ANTXR2: variants seen among roughly 807,000 people sequenced by gnomAD.
ANTXR2 encodes ANTXR cell adhesion molecule 2.
A neutral mutation model predicts 73.7 loss-of-function variants in ANTXR2; 44 were observed. That is an observed-to-expected ratio of 0.60 (90% CI 0.47 to 0.77). The LOEUF (loss-of-function observed/expected upper bound fraction) is 0.77. Among genes scored for constraint, ANTXR2 ranks in the 30% least tolerant of loss-of-function variants. ANTXR2 has a pLI of 0.00. For synonymous variants in ANTXR2, 217 were observed against 205.9 expected (o/e 1.05, Z -0.46); for missense variants, 604 against 592.5 (o/e 1.02, Z -0.20).
At chr4:80,001,148 A>G (rs1731011816) in intron 12 of ANTXR2, among the ~76,000 whole-genome samples, 2 of 146,390 alleles carry the variant, frequency 1.4e-5, no homozygotes. Flanking sequence ...ATTGGTTTCA[A>G]TAGCCTTGGT....
At chr4:80,038,638 A>C (rs1733093547) in intron 7 of ANTXR2, among the ~76,000 whole-genome samples, 1 of 152,228 alleles carries the variant, frequency 6.6e-6, no homozygotes, top group South Asian at 2.1e-4. Flanking sequence ...ATTTGCTAAT[A>C]ACAATACATT....
intron 14 of ANTXR2, among the ~76,000 whole-genome samples, chr4:79,979,877 A>G (rs1729811245): frequency 6.6e-6 from 1 of 152,332 alleles, no homozygotes; most frequent in Middle Eastern, 3.4e-3. Flanking sequence ...CAATTAAGTA[A>G]AGACACAAAT....
intron 15 of ANTXR2, 23 bp downstream of exon 15, chr4:79,977,983 AT>A (rs756293040): frequency 8.6e-5 from 133 of 1,554,478 alleles, no homozygotes; most frequent in Non-Finnish European, 1.1e-4. Flanking sequence ...TTTGAGTTAA[AT>A]TACACAAAAT....
intron 16 of ANTXR2, among the ~76,000 whole-genome samples, chr4:79,953,283 C>T (rs1246891353): frequency 6.7e-6 from 1 of 149,006 alleles, no homozygotes; most frequent in African/African-American, 2.6e-5. Context: ...TGATTTTGGG[C>T]ACACTATTTT....
chr4:80,068,736 C>G (rs1734636846), intron 3 of ANTXR2, among the ~76,000 whole-genome samples: 1 of 152,124 alleles, frequency 6.6e-6, no homozygotes, highest in African/African-American at 2.4e-5. Flanking sequence ...AGCACCACTG[C>G]ACTCCAGCCT....
At chr4:80,019,302 G>A (rs558329905) in intron 10 of ANTXR2, among the ~76,000 whole-genome samples, 1 of 152,154 alleles carries the variant, frequency 6.6e-6, no homozygotes, top group Non-Finnish European at 1.5e-5. Context: ...GGGAGGCGGA[G>A]GTTGCAGTGA....
chr4:79,913,641 T>C (rs536889803), intron 16 of ANTXR2, among the ~76,000 whole-genome samples: 1 of 152,312 alleles, frequency 6.6e-6, no homozygotes, highest in African/African-American at 2.4e-5. Context: ...TGTAATAATG[T>C]TAGAATCCTT....
At chr4:80,007,936 C>T (rs1731385438) in intron 12 of ANTXR2, among the ~76,000 whole-genome samples, 1 of 152,134 alleles carries the variant, frequency 6.6e-6, no homozygotes, top group Admixed American at 6.5e-5. Flanking sequence ...TTTGTTACAG[C>T]AGCAATAGAT....
At chr4:80,012,895 C>A (rs1731662768) in intron 11 of ANTXR2, among the ~76,000 whole-genome samples, 1 of 152,150 alleles carries the variant, frequency 6.6e-6, no homozygotes, top group African/African-American at 2.4e-5. Flanking sequence ...TCTTCCTGTT[C>A]CTCAGTTTTC....
intron 16 of ANTXR2, among the ~76,000 whole-genome samples, chr4:79,933,568 T>C (rs968089196): frequency 3.2e-4 from 49 of 152,200 alleles, no homozygotes; most frequent in Non-Finnish European, 5.1e-4. Flanking sequence ...TTTTAAATTA[T>C]ACTTTAAGTT....
chr4:80,052,915 A>G (rs891562016), intron 7 of ANTXR2, among the ~76,000 whole-genome samples: 4 of 151,588 alleles, frequency 2.6e-5, no homozygotes, highest in Non-Finnish European at 5.9e-5. Flanking sequence ...GTTATTACCC[A>G]TAAAAATAGA....
chr4:79,994,069 C>T (rs1730611328), intron 12 of ANTXR2, among the ~76,000 whole-genome samples: 2 of 151,814 alleles, frequency 1.3e-5, no homozygotes, highest in African/African-American at 2.4e-5. Flanking sequence ...TCTTTTCTCA[C>T]CACCTCATTC....
At chr4:80,012,576 C>T (rs1296833204) in intron 11 of ANTXR2, among the ~76,000 whole-genome samples, 1 of 152,116 alleles carries the variant, frequency 6.6e-6, no homozygotes, top group African/African-American at 2.4e-5. Flanking sequence ...AATTTGCCAA[C>T]CCTTGTCCTA....
At chr4:80,022,745 A>G (rs1267269663) in intron 10 of ANTXR2, among the ~76,000 whole-genome samples, 2 of 152,198 alleles carry the variant, frequency 1.3e-5, no homozygotes, top group East Asian at 3.8e-4. Flanking sequence ...AGTTGCAAAC[A>G]TATATGGGAA....
At chr4:80,045,256 C>T (rs1733465401) in intron 7 of ANTXR2, among the ~76,000 whole-genome samples, 2 of 151,642 alleles carry the variant, frequency 1.3e-5, no homozygotes, top group Non-Finnish European at 3.0e-5. Context: ...TAAATGGTTT[C>T]CTCTGTAATA....
At chr4:80,067,648 T>G (rs1734568504) in intron 3 of ANTXR2, among the ~76,000 whole-genome samples, 1 of 152,034 alleles carries the variant, frequency 6.6e-6, no homozygotes, top group Non-Finnish European at 1.5e-5. Flanking sequence ...AAAGCTGCCA[T>G]ACACGGGTTG....
At chr4:80,061,416 A>G (rs545823577) in intron 3 of ANTXR2, among the ~76,000 whole-genome samples, 2 of 152,232 alleles carry the variant, frequency 1.3e-5, no homozygotes, top group African/African-American at 4.8e-5. Flanking sequence ...CAGGAATACT[A>G]TAGGTATTTA....
At chr4:80,044,188 CCAT>C (rs1733410368) in intron 7 of ANTXR2, among the ~76,000 whole-genome samples, 1 of 151,844 alleles carries the variant, frequency 6.6e-6, no homozygotes, top group Non-Finnish European at 1.5e-5. Context: ...AAGGAAACAT[CCAT>C]AGCAAAAATA....
intron 16 of ANTXR2, among the ~76,000 whole-genome samples, chr4:79,924,024 T>C (rs993482852): frequency 1.3e-5 from 2 of 152,156 alleles, no homozygotes; most frequent in Admixed American, 6.6e-5. Context: ...GGGGAGTACA[T>C]GTGCAGGTTC....
Sources: gnomAD v4.1 joint callset for allele counts (sites outside exome capture counted in the v4.1 genomes callset) on GRCh38, gnomAD v4.1.1 for gene constraint, MANE v1.5 for transcripts, NCBI Gene and HGNC (gene_info 2026-07-23, HGNC 2026-07-21) for gene names.